The following PKP1 variants were observed in gnomAD, a reference collection of about 807,000 sequenced individuals.
PKP1 encodes the protein plakophilin 1, also known as plakophilin-1.
PKP1 carries 27 observed loss-of-function variants against 76.4 expected under a neutral mutation model. The observed-to-expected ratio is 0.35, with a 90% confidence interval of 0.26 to 0.49. The LOEUF is 0.49. Ranked by LOEUF, PKP1 falls within the 20% of genes least tolerant of loss-of-function variation. The probability of loss-of-function intolerance (pLI) is 0.99; values close to 1 mark genes in which losing one functional copy is unlikely to be tolerated. For synonymous variants in PKP1, 404 were observed against 384.2 expected (o/e 1.05, Z -0.60); for missense variants, 964 against 955.2 (o/e 1.01, Z -0.12).
intron 3 of PKP1, 133 bp downstream of exon 3, chr1:201,313,693 CCCCTGGTGTAATGGACT>C (rs1656638163): frequency 1.0e-6 from 1 of 972,300 alleles, no homozygotes; most frequent in Admixed American, 2.8e-5. Flanking sequence ...GAGTTCATTG[CCCCTGGTGTAATGGACT>C]CCCTAATGGG....
chr1:201,292,812 G>A (rs1240314163), intron 1 of PKP1, among the ~76,000 whole-genome samples: 1 of 152,174 alleles, frequency 6.6e-6, no homozygotes, highest in East Asian at 1.9e-4. Context: ...ATCCCCCAAG[G>A]CCATCACTTA....
At chr1:201,328,246 G>T (rs1657209554) in intron 12 of PKP1, 2 of 221,508 alleles carry the variant, frequency 9.0e-6, no homozygotes, top group South Asian at 1.5e-4. Context: ...GGCACTCAGG[G>T]GCTAGTGGGG....
chr1:201,306,320 C>T (rs1040947215), intron 2 of PKP1, among the ~76,000 whole-genome samples: 1 of 152,204 alleles, frequency 6.6e-6, no homozygotes, highest in Admixed American at 6.5e-5. Context: ...GTCGGCTAGG[C>T]GCTGGGCTGC....
chr1:201,323,241 G>T (rs555799440), intron 9 of PKP1, 52 bp downstream of exon 9: 3 of 1,549,620 alleles, frequency 1.9e-6, no homozygotes, highest in Middle Eastern at 1.7e-4. Context: ...TCCAGCCACC[G>T]TCCAGCCTCT....
intron 6 of PKP1, chr1:201,319,943 T>C: frequency 2.0e-6 from 3 of 1,527,582 alleles, no homozygotes; most frequent in Non-Finnish European, 1.8e-6. Context: ...GTTATAAAGT[T>C]ACTGGGCAGA....
intron 7 of PKP1, 114 bp downstream of exon 7, chr1:201,320,495 G>A: frequency 4.0e-6 from 3 of 741,836 alleles, no homozygotes; most frequent in Non-Finnish European, 7.3e-6. Context: ...AGGGGTGGTA[G>A]AAGAGGCATC....
intron 10 of PKP1, 146 bp downstream of exon 10, chr1:201,324,727 G>T (rs569502338): frequency 8.8e-7 from 1 of 1,141,922 alleles, no homozygotes; most frequent in East Asian, 2.5e-5. Context: ...ATGGAGACAG[G>T]AGAAGGGAGC....
In PKP1 at chr1:201,313,051, T is replaced by C. The variant is rs370244845; in HGVS notation, c.307-115T>C. ...CAGGTTCCTTCCACGCCAAACATTC[T>C]GGGATTCTGTAAGCGTTATTATGGG... On this transcript the variant is annotated intron_variant, in intron 2 of 13. Transcript: ENST00000367324. The C allele has an allele frequency of 2.5e-4, 284 of 1,114,546 alleles. 2 individuals carry two copies. Among genetic ancestry groups the C allele is most frequent in the Non-Finnish European group, 3.3e-4 (247 of 752,580 alleles). The allele number at this position is 1,114,546 out of a possible 1,614,324, so 69.0% of individuals were successfully genotyped here.
At chr1:201,318,255 A>G (rs1002282060) in intron 5 of PKP1, among the ~76,000 whole-genome samples, 3 of 152,238 alleles carry the variant, frequency 2.0e-5, no homozygotes, top group African/African-American at 7.2e-5. Context: ...GTAATGACTG[A>G]TAAGTATTTC....
At position 201,324,442 on chromosome 1, in the gene PKP1, G is replaced by A. The variant is rs1657046226; in HGVS notation, c.1695G>A (p.Met565Ile). The change falls in exon 10 of 14, where the codon ATG (methionine) becomes ATA (isoleucine). Residue 565 changes from methionine (M) to isoleucine (I), a missense_variant. Physicochemically the swap from Met to Ile is conservative, Grantham distance 10. Transcript: ENST00000367324. ...TASKGLMSSG[M>I]SQLIGLKEKG... The stretch of plus-strand genomic sequence containing the variant: ...TTCTCTCTTAGATGTCCAGTGGCAT[G>A]AGCCAGTTGATTGGGCTGAAGGAAA... 26 of 1,614,046 alleles carry A rather than the reference G, an allele frequency of 1.6e-5. No individual in the cohort carries two copies. Among genetic ancestry groups the A allele is most frequent in the Non-Finnish European group, 2.1e-5 (25 of 1,180,040 alleles).
Position 201,322,143 on chromosome 1 carries a change from G to C in PKP1, c.1503+10G>C. On this transcript the variant is annotated intron_variant, in intron 8 of 13. Transcript: ENST00000367324. ...GAGCGACAAGATGATGGTGAGCACA[G>C]CATCAGCAGGGCGGGGCCTGCCCCA... 2.5e-6 allele frequency: 4 copies of C among 1,608,900 alleles called. No individual in the cohort carries two copies. Among genetic ancestry groups the C allele is most frequent in the Non-Finnish European group, 3.4e-6 (4 of 1,179,702 alleles).
At chr1:201,317,459 T>G (rs1320615524) in intron 4 of PKP1, 113 bp from the exon 5 acceptor site, 1 of 897,856 alleles carries the variant, frequency 1.1e-6, no homozygotes, top group Non-Finnish European at 1.8e-6. Context: ...GACTTGAATA[T>G]TTCTGAACTG....
At chr1:201,313,116 G>T in intron 2 of PKP1, 50 bp from the exon 3 acceptor site, 1 of 1,586,706 alleles carries the variant, frequency 6.3e-7, no homozygotes, top group Non-Finnish European at 8.6e-7. Context: ...CTGGATCCAG[G>T]ACCCCCATTT....
Position 201,320,315 on chromosome 1 carries a change from A to G in PKP1, c.1281A>G (p.Ser427=), listed in dbSNP as rs1179273610. ...GCCGCCAGACCATGCGTAACTACTCAGGGCTCATTGATTCCCTCATGGCCT... is the reference window on the plus strand; with the variant it reads ...GCCGCCAGACCATGCGTAACTACTCGGGGCTCATTGATTCCCTCATGGCCT... ...DAGRQTMRNY[S]GLIDSLMAYV... is the part of the protein sequence containing the mutation. Residue 427 remains serine (S), a synonymous_variant, in exon 7 of 14, where the codon TCA becomes TCG. Coordinates refer to ENST00000367324, the MANE Select transcript of PKP1 (RefSeq NM_001005337.3). The G allele has an allele frequency of 2.5e-6, 4 of 1,614,062 alleles. No individual in the cohort carries two copies. Among genetic ancestry groups the G allele is most frequent in the Non-Finnish European group, 3.4e-6 (4 of 1,179,990 alleles).
intron 3 of PKP1, 139 bp from the exon 4 acceptor site, chr1:201,316,413 GT>G: frequency 1.3e-6 from 1 of 792,768 alleles, no homozygotes; most frequent in South Asian, 1.8e-5. Context: ...TATTCTCCAA[GT>G]GGGCCTGGGC....
At chr1:201,303,853 GATAATTT>G (rs1289635759) in intron 2 of PKP1, among the ~76,000 whole-genome samples, 1 of 152,184 alleles carries the variant, frequency 6.6e-6, no homozygotes, top group Non-Finnish European at 1.5e-5. Flanking sequence ...AATGGCTCAG[GATAATTT>G]TCCCAAAGCA....
intron 9 of PKP1, among the ~76,000 whole-genome samples, chr1:201,323,441 C>T (rs771770987): frequency 2.0e-5 from 3 of 152,098 alleles, no homozygotes; most frequent in Non-Finnish European, 2.9e-5. Flanking sequence ...ATCCCCTTGG[C>T]CACATGGCTC....
intron 1 of PKP1, 138 bp from the exon 2 acceptor site, chr1:201,293,804 C>G (rs1655995419): frequency 1.4e-6 from 1 of 704,678 alleles, no homozygotes; most frequent in Non-Finnish European, 2.6e-6. Flanking sequence ...ATGACATTCC[C>G]CACCTTCTCC....
intron 1 of PKP1, among the ~76,000 whole-genome samples, chr1:201,289,938 A>G (rs999035675): frequency 6.6e-6 from 1 of 152,192 alleles, no homozygotes; most frequent in Admixed American, 6.5e-5. Flanking sequence ...AGTGTGACCT[A>G]TTTGAAAGCT....
Sources: allele counts gnomAD v4.1 joint callset (sites outside exome capture counted in the v4.1 genomes callset), GRCh38; gene constraint gnomAD v4.1.1; transcripts MANE v1.5; gene names NCBI Gene and HGNC (gene_info 2026-07-23, HGNC 2026-07-21).